ANKRD24: variants seen among roughly 807,000 people sequenced by gnomAD.
ANKRD24 encodes the protein ankyrin repeat domain-containing protein 24.
A neutral mutation model predicts 127.8 loss-of-function variants in ANKRD24; 109 were observed. The observed-to-expected ratio is 0.85, with a 90% CI of 0.73 to 1.00. The LOEUF (loss-of-function observed/expected upper bound fraction) is 1.00, where lower values mean the gene tolerates loss of function less well. Ranked by LOEUF, ANKRD24 falls within the 50% of genes least tolerant of loss-of-function variation. The pLI, the probability that ANKRD24 is intolerant of heterozygous loss-of-function variation, is 0.00. For missense variants in ANKRD24, 1,648 were observed against 1,570.2 expected (o/e 1.05, Z -0.84); for synonymous variants, 743 against 671.1 (o/e 1.11, Z -1.66).
At chr19:4,193,869 A>ATGG (rs1968543966) in intron 2 of ANKRD24, among the ~76,000 whole-genome samples, 1 of 114,700 alleles carries the variant, frequency 8.7e-6, no homozygotes, top group Non-Finnish European at 1.8e-5. Flanking sequence ...GGAAGGAAGG[A>ATGG]AGGAAGGAAG....
At chr19:4,191,054 C>T (rs352502) in intron 2 of ANKRD24, among the ~76,000 whole-genome samples, 2 of 152,032 alleles carry the variant, frequency 1.3e-5, no homozygotes, top group Middle Eastern at 3.4e-3. Flanking sequence ...AAACCTCAGA[C>T]GGGTGTGAGG....
chr19:4,187,179 A>G (rs908008397), intron 2 of ANKRD24, among the ~76,000 whole-genome samples: 1 of 151,950 alleles, frequency 6.6e-6, no homozygotes, highest in Non-Finnish European at 1.5e-5. Context: ...TTGGGAGGCC[A>G]AGGCAGGCAG....
chr19:4,202,914 C>T lies in ANKRD24; in HGVS notation c.454C>T (p.Leu152=). ...DVVDSSGWTA[L]HHAAAGGCLS... is the part of the protein sequence containing the mutation. The stretch of plus-strand genomic sequence containing the variant: ...CGTGGACAGCAGCGGGTGGACTGCC[C>T]TACACCATGCAGGTGGGTGCAGCCC... Residue 152 remains leucine (L), a synonymous_variant, in exon 7 of 22, where the codon CTA becomes TTA. Coordinates refer to ENST00000318934, the MANE Select transcript of ANKRD24 (RefSeq NM_001393985.1). The T allele has an allele frequency of 6.3e-7, 1 of 1,578,868 alleles. No individual in the cohort carries two copies. Among genetic ancestry groups the T allele is most frequent in the Non-Finnish European group, 8.6e-7 (1 of 1,162,676 alleles).
At chr19:4,207,646 T>C in intron 9 of ANKRD24, 39 bp downstream of exon 9, 1 of 1,607,384 alleles carries the variant, frequency 6.2e-7, no homozygotes, top group South Asian at 1.1e-5. Context: ...CCCTATGCTG[T>C]GTGACCTTCG....
chr19:4,194,324 TG>T (rs1398969990), intron 2 of ANKRD24, among the ~76,000 whole-genome samples: 1 of 152,136 alleles, frequency 6.6e-6, no homozygotes, highest in Non-Finnish European at 1.5e-5. Context: ...AGCTAATTTT[TG>T]TATTGTTAGT....
At chr19:4,193,845 G>GAGGGAGGGAGGGAAGGAAGGAAGGAAGGA (rs573649233) in intron 2 of ANKRD24, among the ~76,000 whole-genome samples, 3 of 40,604 alleles carry the variant, frequency 7.4e-5, no homozygotes, top group African/African-American at 2.6e-4. Context: ...GGGAGGGAGG[G>GAGGGAGGGAGGGAAGGAAGGAAGGAAGGA]AGGAAGGAAG....
chr19:4,224,236 C>T, intron 21 of ANKRD24, 44 bp downstream of exon 21: 1 of 1,556,320 alleles, frequency 6.4e-7, no homozygotes, highest in Non-Finnish European at 8.8e-7. Context: ...TTGGGCATAC[C>T]ACTGTTGCTC....
intron 15 of ANKRD24, among the ~76,000 whole-genome samples, chr19:4,214,928 A>G (rs1969973189): frequency 6.6e-6 from 1 of 152,160 alleles, no homozygotes; most frequent in South Asian, 2.1e-4. Flanking sequence ...CCACAACACT[A>G]TACCCACACG....
intron 2 of ANKRD24, among the ~76,000 whole-genome samples, chr19:4,197,613 G>A (rs972741515): frequency 2.6e-5 from 4 of 152,212 alleles, no homozygotes; most frequent in African/African-American, 7.2e-5. Context: ...GAATGAAAGA[G>A]TGAGCAAATA....
At chr19:4,184,023 GAA>G (rs1967901316) in intron 1 of ANKRD24, among the ~76,000 whole-genome samples, 1 of 152,242 alleles carries the variant, frequency 6.6e-6, no homozygotes, top group Non-Finnish European at 1.5e-5. Flanking sequence ...CAAAGGCTGA[GAA>G]AGAGGAAGAG....
chr19:4,223,397 ATATAT>A (rs149489324), intron 20 of ANKRD24, among the ~76,000 whole-genome samples: 2,470 of 54,684 alleles, frequency 0.045, 15 homozygotes, highest in Admixed American at 0.068. Flanking sequence ...ATATATATAT[ATATAT>A]TTTTTTTTTT....
intron 7 of ANKRD24, among the ~76,000 whole-genome samples, chr19:4,203,329 G>C (rs1486927392): frequency 6.6e-6 from 1 of 152,014 alleles, no homozygotes; most frequent in Non-Finnish European, 1.5e-5. Flanking sequence ...GATTACAGGC[G>C]TGAGCCACCG....
chr19:4,216,632 C>A lies in ANKRD24; in HGVS notation c.1472C>A (p.Ser491Tyr). ...AEVIPLALYD[S>Y]LRAEFDQLRR... is the part of the protein sequence containing the mutation. ...GTCATCCCTCTTGCCCTCTATGACT[C>A]TCTCCGGGCCGAGTTTGACCAGCTA... Residue 491 changes from serine (S) to tyrosine (Y), a missense_variant, in exon 18 of 22, where the codon TCT becomes TAT. Physicochemically the swap from Ser to Tyr is moderately radical, Grantham distance 144. Coordinates refer to ENST00000318934, the MANE Select transcript of ANKRD24 (RefSeq NM_001393985.1). The A allele has an allele frequency of 6.2e-7, 1 of 1,608,898 alleles. No homozygotes were observed. The highest frequency in any genetic ancestry group is 1.7e-4 in the Middle Eastern group (1 of 6,056).
chr19:4,202,345 A>T (rs182471345), intron 6 of ANKRD24, among the ~76,000 whole-genome samples: 21 of 152,156 alleles, frequency 1.4e-4, no homozygotes, highest in African/African-American at 5.1e-4. Flanking sequence ...AGGTCGGTGA[A>T]ATCGCCTGAG....
chr19:4,205,796 C>T (rs915727208), intron 7 of ANKRD24, among the ~76,000 whole-genome samples: 17 of 151,702 alleles, frequency 1.1e-4, no homozygotes, highest in Admixed American at 1.1e-3. Context: ...TGCAGTGAGC[C>T]AAGATCACAC....
At chr19:4,219,488 A>T in intron 18 of ANKRD24, 103 bp from the exon 19 acceptor site, 5 of 1,399,616 alleles carry the variant, frequency 3.6e-6, no homozygotes, top group Non-Finnish European at 4.8e-6. Context: ...CTTAAAAAAA[A>T]TCCAAAAACA....
intron 2 of ANKRD24, among the ~76,000 whole-genome samples, chr19:4,193,595 T>C (rs1276136285): frequency 6.6e-6 from 1 of 151,770 alleles, no homozygotes; most frequent in African/African-American, 2.4e-5. Flanking sequence ...CCCAGCACTT[T>C]GGGAGGCTGA....
chr19:4,184,253 C>T (rs527369296), intron 1 of ANKRD24, among the ~76,000 whole-genome samples: 12 of 152,276 alleles, frequency 7.9e-5, no homozygotes, highest in African/African-American at 2.9e-4. Flanking sequence ...AGTGGGTAAC[C>T]GGAGCCGGCA....
intron 13 of ANKRD24, among the ~76,000 whole-genome samples, chr19:4,211,483 A>G (rs1599445220): frequency 6.6e-6 from 1 of 151,880 alleles, no homozygotes; most frequent in African/African-American, 2.4e-5. Flanking sequence ...TACTAAAAAT[A>G]CAAAAAAAAA....
Sources: allele counts gnomAD v4.1 joint callset (sites outside exome capture counted in the v4.1 genomes callset), GRCh38; gene constraint gnomAD v4.1.1; transcripts MANE v1.5; gene names NCBI Gene and HGNC (gene_info 2026-07-23, HGNC 2026-07-21).